The following CST4 variants were observed in gnomAD, a reference collection of about 807,000 sequenced individuals.
CST4 encodes the protein cystatin S.
In CST4, 17 loss-of-function variants were observed where a neutral mutation model predicts 11.2. That is an observed-to-expected ratio of 1.52 (90% CI 1.04 to 2.27). The LOEUF (loss-of-function observed/expected upper bound fraction) is 2.27. Among genes scored for constraint, CST4 ranks in the 30% most tolerant of loss-of-function variants. The probability of loss-of-function intolerance (pLI) is 0.00; values close to 1 mark genes in which losing one functional copy is unlikely to be tolerated. For synonymous variants in CST4, 93 were observed against 70.1 expected, an observed-to-expected ratio of 1.33 and a Z score of -1.63; for missense variants, 251 against 180.2, an observed-to-expected ratio of 1.39 and a Z score of -2.25.
chr20:23,688,728 G>C lies in CST4; in HGVS notation c.228+14C>G. On this transcript the variant is annotated intron_variant, in intron 1 of 2. Transcript: ENST00000217423. ...GCTAGGGCTCAGGACCCCTCGGGTG[G>C]AGGCAGCACCCACCTGCTCCCTGGC... 6.2e-7 allele frequency: 1 copy of C among 1,613,122 alleles called. No individual in the cohort carries two copies. The highest frequency in any genetic ancestry group is 8.5e-7 in the Non-Finnish European group (1 of 1,179,162).
chr20:23,686,513 A>G (rs1226827703), intron 2 of CST4, among the ~76,000 whole-genome samples: 5 of 152,108 alleles, frequency 3.3e-5, no homozygotes, highest in Non-Finnish European at 7.4e-5. Context: ...CTTCCCAGCT[A>G]ACAGGCCTCT....
chr20:23,686,120 C>G, intron 2 of CST4, 143 bp from the exon 3 acceptor site: 1 of 868,782 alleles, frequency 1.2e-6, no homozygotes, highest in East Asian at 2.6e-5. Flanking sequence ...TCCCAGAGCA[C>G]TGAACTAGAA....
rs530047170 is a variant in CST4, at chr20:23,687,151, T to A, written c.279A>T (p.Ile93=). The A allele has an allele frequency of 5.6e-6, 9 of 1,614,080 alleles. No homozygotes were observed. In the African/African-American group the frequency reaches 1.1e-4, roughly 19 times the overall value. Residue 93 remains isoleucine, a synonymous_variant, in exon 2 of 3, where the codon ATA becomes ATT. Coordinates refer to ENST00000217423, the MANE Select transcript of CST4 (RefSeq NM_001899.3). ...CCAAGTTGGGCTGGGACTTGGTACA[T>A]ATGGTGCGGCCCACCTCTACGTCGA... ...YFFDVEVGRT[I]CTKSQPNLDT...
intron 1 of CST4, among the ~76,000 whole-genome samples, chr20:23,687,736 A>G (rs529768440): frequency 6.6e-6 from 1 of 152,318 alleles, no homozygotes; most frequent in African/African-American, 2.4e-5. Context: ...TCTCCCAGAC[A>G]CTACGTGGCA....
intron 1 of CST4, 47 bp downstream of exon 1, chr20:23,688,695 C>A (rs1365604006): frequency 6.9e-6 from 11 of 1,590,198 alleles, no homozygotes; most frequent in South Asian, 1.1e-5. Flanking sequence ...GGTCCGGCAA[C>A]AAACCAGGCT....
At chr20:23,686,823 C>T (rs1228905129) in intron 2 of CST4, among the ~76,000 whole-genome samples, 1 of 152,118 alleles carries the variant, frequency 6.6e-6, no homozygotes, top group Non-Finnish European at 1.5e-5. Context: ...ATACTTCCGC[C>T]ACACACCCAC....
intron 1 of CST4, 62 bp downstream of exon 1, chr20:23,688,680 T>A: frequency 6.7e-7 from 1 of 1,492,348 alleles, no homozygotes; most frequent in Non-Finnish European, 9.3e-7. Context: ...TGGAATGCTC[T>A]TGGGGGTCCG....
rs770040774 is a variant in CST4, at chr20:23,687,203, T to A, written c.229-2A>T. The A allele has an allele frequency of 6.2e-7, 1 of 1,613,926 alleles. No individual in the cohort carries two copies. Among genetic ancestry groups the A allele is most frequent in the Non-Finnish European group, 8.5e-7 (1 of 1,180,024 alleles). ...GAAGTAATTCACCCCCCCAAAGGTC[T>A]GCACACAGGAGAAAACAGGAAGCAC... On this transcript the variant is annotated splice_acceptor_variant, in intron 1 of 2. Transcript: ENST00000217423. LOFTEE classifies it high-confidence loss of function.
intron 1 of CST4, among the ~76,000 whole-genome samples, chr20:23,688,507 A>T (rs1199623540): frequency 2.6e-5 from 4 of 152,208 alleles, no homozygotes; most frequent in African/African-American, 4.8e-5. Flanking sequence ...CATGGTACAG[A>T]CACAGCAGCT....
At chr20:23,686,129 A>C in intron 2 of CST4, 152 bp from the exon 3 acceptor site, 1 of 825,618 alleles carries the variant, frequency 1.2e-6, no homozygotes. Context: ...ACTGAACTAG[A>C]ATGAGTAGTG....
At chr20:23,687,034 A>G (rs1240532485) in intron 2 of CST4, 54 bp downstream of exon 2, 3 of 1,608,480 alleles carry the variant, frequency 1.9e-6, no homozygotes, top group South Asian at 2.2e-5. Context: ...AGGCTGACAC[A>G]TACGCACCCC....
rs1981081261 is a variant in CST4 at position 23,687,304 on chromosome 20, C to T, written c.229-103G>A. On this transcript the variant is annotated intron_variant, in intron 1 of 2. Coordinates refer to ENST00000217423, the MANE Select transcript of CST4 (RefSeq NM_001899.3). ...AGTCACTGGACTTGCTTGGGGGCTT[C>T]GTGAGCTGCCCACATGTCAACACAA... The T allele has an allele frequency of 9.7e-6, 9 of 924,128 alleles. No individual in the cohort carries two copies. The Admixed American group carries it at 1.1e-4, about 11-fold the overall frequency. 57.2% of individuals were successfully genotyped at this position (924,128 alleles called of 1,614,324 possible).
chr20:23,685,642 C>G lies in CST4; in HGVS notation c.*252G>C. On this transcript the variant is annotated 3_prime_UTR_variant, in exon 3 of 3. Transcript: ENST00000217423. ...AGACAGCCAAGAACTCAGAGGGAGGCGATGCTACTGTTTAATTGCAGGAGG... is the reference window on the plus strand; with the variant it reads ...AGACAGCCAAGAACTCAGAGGGAGGGGATGCTACTGTTTAATTGCAGGAGG... 1 of 550,866 alleles carries G rather than the reference C, an allele frequency of 1.8e-6. No individual in the cohort carries two copies. Among genetic ancestry groups the G allele is most frequent in the Non-Finnish European group, 3.3e-6 (1 of 307,000 alleles). 34.1% of individuals were successfully genotyped at this position (550,866 alleles called of 1,614,324 possible).
intron 2 of CST4, among the ~76,000 whole-genome samples, chr20:23,686,362 G>A (rs917934654): frequency 6.6e-6 from 1 of 152,064 alleles, no homozygotes; most frequent in African/African-American, 2.4e-5. Context: ...AAGAACCCAG[G>A]GCAGGGCAAC....
chr20:23,687,159 G>A lies in CST4; in HGVS notation c.271C>T (p.Arg91Cys), dbSNP rs745606281. ...VNYFFDVEVG[R>C]TICTKSQPNL... ...GGCTGGGACTTGGTACATATGGTGC[G>A]GCCCACCTCTACGTCGAAGAAGTAA... is the stretch of plus-strand genomic sequence containing the variant. The change falls in exon 2 of 3, where the codon CGC (arginine) becomes TGC (cysteine). Residue 91 changes from arginine to cysteine, a missense_variant. Physicochemically the swap from Arg to Cys is radical, Grantham distance 180 (BLOSUM62 -3). Coordinates refer to ENST00000217423, the MANE Select transcript of CST4 (RefSeq NM_001899.3). 2.5e-5 allele frequency: 40 copies of A among 1,613,928 alleles called. No homozygotes were observed. The highest frequency in any genetic ancestry group is 3.3e-4 in the Middle Eastern group (2 of 6,084).
At chr20:23,686,572 G>C (rs920000990) in intron 2 of CST4, among the ~76,000 whole-genome samples, 92 of 152,212 alleles carry the variant, frequency 6.0e-4, no homozygotes, top group African/African-American at 2.0e-3. Context: ...GGTGCCTGAG[G>C]CTGGGATTAG....
rs112139500 is a variant in CST4, at chr20:23,685,969, C to A, written c.351G>T (p.Leu117Phe). The A allele has an allele frequency of 6.2e-6, 10 of 1,613,316 alleles. No homozygotes were observed. The African/African-American group carries it at 1.2e-4, about 19-fold the overall frequency. The stretch of plus-strand genomic sequence containing the variant: ...GAACTTCGTAGATCTCGAAAGAGCA[C>A]AACTGTTTCTGTGAAAGGGAAGAGA... Reference protein sequence around the residue: ...HEQPELQKKQLCSFEIYEVPW... With the variant: ...HEQPELQKKQFCSFEIYEVPW... The change falls in exon 3 of 3, where the codon TTG (leucine) becomes TTT (phenylalanine). Residue 117 changes from leucine (L) to phenylalanine (F), a missense_variant. Physicochemically the swap from Leu to Phe is conservative, Grantham distance 22 (BLOSUM62 0). Coordinates refer to ENST00000217423, the MANE Select transcript of CST4 (RefSeq NM_001899.3).
In CST4 at chr20:23,687,083, C is replaced by T. The variant is rs371771285; in HGVS notation, c.342+5G>A. The T allele has an allele frequency of 2.5e-5, 41 of 1,614,028 alleles. No individual in the cohort carries two copies. The highest frequency in any genetic ancestry group is 6.7e-5 in the African/African-American group (5 of 74,912). ...ACTGGCCCGGGACCCGCATCAGGAA[C>T]GTACCTTCTGCAGTTCTGGCTGTTC... On this transcript the variant is annotated splice_donor_5th_base_variant and intron_variant, in intron 2 of 2. Coordinates refer to ENST00000217423, the MANE Select transcript of CST4 (RefSeq NM_001899.3).
chr20:23,687,048 G>A (rs1376659135), intron 2 of CST4, 40 bp downstream of exon 2: 1 of 1,612,644 alleles, frequency 6.2e-7, no homozygotes, highest in Non-Finnish European at 8.5e-7. Flanking sequence ...GCACCCCTCT[G>A]CAGTGCATGA....
Sources: allele counts gnomAD v4.1 joint callset (sites outside exome capture counted in the v4.1 genomes callset), GRCh38; gene constraint gnomAD v4.1.1; transcripts MANE v1.5; gene names NCBI Gene and HGNC (gene_info 2026-07-23, HGNC 2026-07-21).